ZEB2: variants seen among roughly 807,000 people sequenced by gnomAD.
ZEB2 encodes zinc finger E-box-binding homeobox 2.
In ZEB2, 6 loss-of-function variants were observed where a neutral mutation model predicts 99.9. The ratio of observed to expected loss-of-function variants is 0.06; its 90% CI spans 0.03 to 0.12. The LOEUF (loss-of-function observed/expected upper bound fraction) is 0.12, where lower values mean the gene tolerates loss of function less well. ZEB2 is among the 10% of genes least tolerant of loss of function. The pLI is 1.00. For missense variants in ZEB2, 969 were observed against 1,502.8 expected (o/e 0.64, Z 5.87); for synonymous variants, 517 against 542.5 (o/e 0.95, Z 0.65).
intron 9 of ZEB2, among the ~76,000 whole-genome samples, chr2:144,395,598 C>T (rs1353055966): frequency 6.6e-6 from 1 of 152,072 alleles, no homozygotes; most frequent in Non-Finnish European, 1.5e-5. Context: ...GGTTCAGCTA[C>T]CTTATTGTTC....
At chr2:144,463,993 G>T (rs1035036063) in intron 2 of ZEB2, 1 of 152,180 alleles carries the variant, frequency 6.6e-6, no homozygotes, top group Non-Finnish European at 1.5e-5. Context: ...CTCAGGGAAG[G>T]CTTCATGGGG....
rs1168433684 is a variant in ZEB2, at chr2:144,387,995, C to T, written c.*1456G>A. On this transcript the variant is annotated 3_prime_UTR_variant, in exon 10 of 10. Transcript: ENST00000627532. The stretch of plus-strand genomic sequence containing the variant: ...ATTGAAGGAAAACTCTCTAAAAGTA[C>T]AGAACTCATTAACTACATTCTTAGT... 1.3e-5 allele frequency: 2 copies of T among 152,546 alleles called. No individual in the cohort carries two copies. Among genetic ancestry groups the T allele is most frequent in the African/African-American group, 4.8e-5 (2 of 41,442 alleles). 9.4% of individuals were successfully genotyped at this position (152,546 alleles called of 1,614,324 possible). A position where few individuals can be genotyped will look rare whatever the true frequency, so the allele number is the denominator to read the frequency against.
intron 2 of ZEB2, chr2:144,462,975 G>C (rs1055450094): frequency 1.3e-5 from 2 of 152,086 alleles, no homozygotes; most frequent in South Asian, 2.1e-4. Flanking sequence ...ATGGGGATTT[G>C]GTAAATTCAG....
Position 144,389,099 on chromosome 2 carries a change from A to G in ZEB2, c.*352T>C, listed in dbSNP as rs1703120013. The G allele has an allele frequency of 1.9e-6, 1 of 535,204 alleles. No individual in the cohort carries two copies. The highest frequency in any genetic ancestry group is 3.3e-6 in the Non-Finnish European group (1 of 306,196). The allele number at this position is 535,204 out of a possible 1,614,324, so 33.2% of individuals were successfully genotyped here. On this transcript the variant is annotated 3_prime_UTR_variant, in exon 10 of 10. Coordinates refer to ENST00000627532, the MANE Select transcript of ZEB2 (RefSeq NM_014795.4). The surrounding 1 kb of genome is among the most constrained non-coding windows in gnomAD (Gnocchi z 6.8). ...GGGCACCTTTTTAAAATGTATTAATATAAATTAGACATAGTTTTTTAAAGT... is the reference window on the plus strand; with the variant it reads ...GGGCACCTTTTTAAAATGTATTAATGTAAATTAGACATAGTTTTTTAAAGT...
At chr2:144,508,654 G>A (rs1483090004) in intron 2 of ZEB2, among the ~76,000 whole-genome samples, 1 of 151,688 alleles carries the variant, frequency 6.6e-6, no homozygotes, top group African/African-American at 2.4e-5. Context: ...AGTTGGTAAC[G>A]GCCAGCCTGA....
intron 2 of ZEB2, among the ~76,000 whole-genome samples, chr2:144,489,361 T>C (rs1704644404): frequency 6.6e-6 from 1 of 152,198 alleles, no homozygotes; most frequent in Non-Finnish European, 1.5e-5. Flanking sequence ...TTTCTTTTTT[T>C]CCTCTGGCCT....
chr2:144,489,411 C>T (rs1025437572), intron 2 of ZEB2, among the ~76,000 whole-genome samples: 3 of 152,140 alleles, frequency 2.0e-5, no homozygotes, highest in Non-Finnish European at 4.4e-5. Flanking sequence ...CAAAAACACT[C>T]CTATCATGAA....
chr2:144,387,195 C>T lies in ZEB2; in HGVS notation c.*2256G>A, dbSNP rs1471685969. The stretch of plus-strand genomic sequence containing the variant: ...GTTCTTGCCAACTGGAAATATCATA[C>T]TCAAAATTTTAGCAAATTTAATAGC... On this transcript the variant is annotated 3_prime_UTR_variant, in exon 10 of 10. Transcript: ENST00000627532. 6.6e-6 allele frequency: 1 copy of T among 151,844 alleles called. No individual in the cohort carries two copies. Among genetic ancestry groups the T allele is most frequent in the Non-Finnish European group, 1.5e-5 (1 of 67,960 alleles). 9.4% of individuals were successfully genotyped at this position (151,844 alleles called of 1,614,324 possible).
intron 2 of ZEB2, chr2:144,513,928 T>G: frequency 6.8e-7 from 1 of 1,470,224 alleles, no homozygotes; most frequent in Admixed American, 2.2e-5. Flanking sequence ...TGAACTTTCT[T>G]GAAACCGACA....
At chr2:144,504,355 A>T (rs1704923379) in intron 2 of ZEB2, 1 of 152,294 alleles carries the variant, frequency 6.6e-6, no homozygotes, top group Non-Finnish European at 1.5e-5. Context: ...GGTGCTGCTG[A>T]GATCAGTACA....
chr2:144,472,573 C>A (rs1573780128), intron 2 of ZEB2, among the ~76,000 whole-genome samples: 1 of 152,118 alleles, frequency 6.6e-6, no homozygotes, highest in East Asian at 1.9e-4. Context: ...ATCCATTTTA[C>A]AGATGAGGAA....
intron 3 of ZEB2, 59 bp from the exon 4 acceptor site, chr2:144,424,926 C>T: frequency 1.3e-6 from 2 of 1,549,360 alleles, no homozygotes; most frequent in Non-Finnish European, 1.8e-6. Flanking sequence ...CTATACTAAG[C>T]ATGCCAAGCA....
In ZEB2 at chr2:144,389,424, A is replaced by T. The variant is rs1301719814; in HGVS notation, c.*27T>A. 2 of 1,613,428 alleles carry T rather than the reference A, an allele frequency of 1.2e-6. No homozygotes were observed. The highest frequency in any genetic ancestry group is 1.1e-5 in the South Asian group (1 of 91,064). ...GGTAACAATACTACTGGAAAAAAAA[A>T]TAGGAAGCTTAAAATGCAGTAGTTT... On this transcript the variant is annotated 3_prime_UTR_variant, in exon 10 of 10. Coordinates refer to ENST00000627532, the MANE Select transcript of ZEB2 (RefSeq NM_014795.4). This position sits in a 1 kb window ranked among gnomAD's most constrained non-coding sequence, Gnocchi z 6.8.
intron 2 of ZEB2, among the ~76,000 whole-genome samples, chr2:144,509,343 A>C (rs934934757): frequency 2.0e-5 from 3 of 152,180 alleles, no homozygotes; most frequent in African/African-American, 7.2e-5. Context: ...ATCTGCCTAA[A>C]TCCTTCATTG....
intron 2 of ZEB2, among the ~76,000 whole-genome samples, chr2:144,435,846 C>A (rs886859478): frequency 2.6e-5 from 4 of 151,954 alleles, no homozygotes; most frequent in African/African-American, 9.7e-5. Context: ...CAAGTATGTG[C>A]TACTGAGGAG....
intron 2 of ZEB2, among the ~76,000 whole-genome samples, chr2:144,487,763 G>C (rs1346854357): frequency 6.6e-6 from 1 of 152,072 alleles, no homozygotes; most frequent in Admixed American, 6.6e-5. Flanking sequence ...AAGAATTCAA[G>C]CTACCAAATG....
intron 2 of ZEB2, among the ~76,000 whole-genome samples, chr2:144,500,073 T>C (rs898819812): frequency 4.6e-5 from 7 of 152,224 alleles, no homozygotes; most frequent in Admixed American, 6.5e-5. Flanking sequence ...AGGAAGGCAA[T>C]TGTGCATTTG....
chr2:144,472,704 C>T (rs1032339719), intron 2 of ZEB2, among the ~76,000 whole-genome samples: 5 of 152,142 alleles, frequency 3.3e-5, no homozygotes, highest in African/African-American at 4.8e-5. Context: ...AAAGGAAGCA[C>T]GGATGGACTA....
intron 3 of ZEB2, 111 bp downstream of exon 3, chr2:144,429,658 A>G (rs1269476894): frequency 6.4e-6 from 10 of 1,556,146 alleles, no homozygotes; most frequent in African/African-American, 5.4e-5. Context: ...CAAGGGCTCA[A>G]TGGAAAGAAA....
Sources: gnomAD v4.1 joint callset for allele counts (sites outside exome capture counted in the v4.1 genomes callset) on GRCh38, gnomAD v4.1.1 for gene constraint, Gnocchi (gnomAD v3.1) non-coding constraint, MANE v1.5 for transcripts, NCBI Gene and HGNC (gene_info 2026-07-23, HGNC 2026-07-21) for gene names.